The following FAM204A variants were observed in gnomAD, a reference collection of about 807,000 sequenced individuals.
The protein encoded by FAM204A is protein FAM204A.
Under a neutral mutation model 35.4 loss-of-function variants are expected in FAM204A, and 16 were observed. The ratio of observed to expected loss-of-function variants is 0.45; its 90% CI spans 0.31 to 0.69. The LOEUF (loss-of-function observed/expected upper bound fraction) is 0.69. Ranked by LOEUF, FAM204A falls within the 30% of genes least tolerant of loss-of-function variation. The pLI is 0.07. For synonymous variants in FAM204A, 76 were observed against 86.9 expected (o/e 0.88, Z 0.70); for missense variants, 240 against 265.7 (o/e 0.90, Z 0.67).
Position 118,310,851 on chromosome 10 carries a change from G to A in FAM204A, c.*6C>T, listed in dbSNP as rs1845941250. 6.3e-7 allele frequency: 1 copy of A among 1,598,060 alleles called. No individual in the cohort carries two copies. Among genetic ancestry groups the A allele is most frequent in the Non-Finnish European group, 8.5e-7 (1 of 1,175,156 alleles). On this transcript the variant is annotated 3_prime_UTR_variant, in exon 9 of 9. Coordinates refer to ENST00000369183, the MANE Select transcript of FAM204A (RefSeq NM_022063.3). ...GTCTACAAATGTCTTGAAGCACTCT[G>A]GCAAGTTACATGTATCCCATGTTGC... is the stretch of plus-strand genomic sequence containing the variant.
At position 118,302,145 on chromosome 10, in the gene FAM204A, C is replaced by G. The variant is rs1845814591; in HGVS notation, c.*8712G>C. On this transcript the variant is annotated 3_prime_UTR_variant, in exon 9 of 9. Transcript: ENST00000369183. ...TATGTCTTTCCCTCTAGGATATGAG[C>G]CCCATGAAGATCCAGCCGCTTTGTT... 6.6e-6 allele frequency: 1 copy of G among 152,262 alleles called. No homozygotes were observed. Among genetic ancestry groups the G allele is most frequent in the Non-Finnish European group, 1.5e-5 (1 of 68,078 alleles). The allele number at this position is 152,262 out of a possible 1,614,324, so 9.4% of individuals were successfully genotyped here.
Position 118,311,318 on chromosome 10 carries a change from G to T in FAM204A, c.544-5C>A. ...TTTGGCAATTTTTACACCAAGCTAA[G>T]AATTACAAAGGAGAAAAAAAAAGTG... On this transcript the variant is annotated splice_region_variant and splice_polypyrimidine_tract_variant and intron_variant, in intron 7 of 8. Coordinates refer to ENST00000369183, the MANE Select transcript of FAM204A (RefSeq NM_022063.3). The T allele has an allele frequency of 6.6e-7, 1 of 1,514,016 alleles. No homozygotes were observed. Among genetic ancestry groups the T allele is most frequent in the Non-Finnish European group, 8.8e-7 (1 of 1,137,464 alleles). The allele number at this position is 1,514,016 out of a possible 1,614,324, so 93.8% of individuals were successfully genotyped here. A position where few individuals can be genotyped will look rare whatever the true frequency, so the allele number is the denominator to read the frequency against.
In FAM204A at chr10:118,336,285, G is replaced by A. The variant is rs189055371; in HGVS notation, c.131C>T (p.Thr44Ile). The A allele has an allele frequency of 1.2e-6, 2 of 1,613,982 alleles. No homozygotes were observed. Among genetic ancestry groups the A allele is most frequent in the East Asian group, 2.2e-5 (1 of 44,880 alleles). ...ATCTGTTGAGAAATCTATGATTTCT[G>A]TTTTTCTGATGCTCTCATCCTCTTT... is the stretch of plus-strand genomic sequence containing the variant. ...EDKEDESIRK[T>I]EIIDFSTDEP... Residue 44 changes from threonine (T) to isoleucine (I), a missense_variant, in exon 3 of 9, where the codon ACA (threonine) becomes ATA (isoleucine). Thr to Ile is a moderately conservative substitution (Grantham distance 89). This residue lies in a region of FAM204A where 232 missense variants were observed against 242.8 expected (regional missense o/e 0.96). Coordinates refer to ENST00000369183, the MANE Select transcript of FAM204A (RefSeq NM_022063.3).
chr10:118,313,153 TAA>T (rs111988854), intron 7 of FAM204A, among the ~76,000 whole-genome samples: 1 of 144,792 alleles, frequency 6.9e-6, no homozygotes. Flanking sequence ...GTCATACATG[TAA>T]AAAAAAAAAA....
chr10:118,333,836 T>C (rs1846330098), intron 6 of FAM204A, among the ~76,000 whole-genome samples: 1 of 152,098 alleles, frequency 6.6e-6, no homozygotes, highest in Non-Finnish European at 1.5e-5. Flanking sequence ...GCACCCTCAA[T>C]AACACAGTAC....
Position 118,310,547 on chromosome 10 carries a change from T to C in FAM204A, c.*310A>G, listed in dbSNP as rs890938233. The C allele has an allele frequency of 7.1e-6, 2 of 281,282 alleles. No individual in the cohort carries two copies. The highest frequency in any genetic ancestry group is 4.5e-5 in the African/African-American group (2 of 44,136). The allele number at this position is 281,282 out of a possible 1,614,324, so 17.4% of individuals were successfully genotyped here. ...AGCTCACTGGCTGTGCTAAACCAAA[T>C]GAATGGAAAGCGCCAAAAGTGATTT... On this transcript the variant is annotated 3_prime_UTR_variant, in exon 9 of 9. Transcript: ENST00000369183.
intron 7 of FAM204A, among the ~76,000 whole-genome samples, chr10:118,318,577 T>C (rs1369517491): frequency 6.6e-6 from 1 of 151,988 alleles, no homozygotes; most frequent in East Asian, 1.9e-4. Context: ...GTTCCAGTGG[T>C]AAATTGTTAG....
intron 7 of FAM204A, among the ~76,000 whole-genome samples, chr10:118,314,050 C>T (rs143894522): frequency 4.6e-5 from 7 of 152,204 alleles, no homozygotes; most frequent in Admixed American, 4.6e-4. Flanking sequence ...TCCAGCACAA[C>T]TAGCATCACA....
Position 118,336,398 on chromosome 10 carries a change from T to C in FAM204A, c.18A>G (p.Leu6=). ...CGTCACTTTCATTTAGGCCAGGAGGTAGCAGCCCACTCCACATCTTTTCTT... is the reference window on the plus strand; with the variant it reads ...CGTCACTTTCATTTAGGCCAGGAGGCAGCAGCCCACTCCACATCTTTTCTT... MWSGL[L]PPGLNESDAE... Residue 6 remains leucine, a synonymous_variant, in exon 3 of 9, where the codon CTA becomes CTG. Coordinates refer to ENST00000369183, the MANE Select transcript of FAM204A (RefSeq NM_022063.3). 6.2e-7 allele frequency: 1 copy of C among 1,613,202 alleles called. No individual in the cohort carries two copies. The highest frequency in any genetic ancestry group is 8.5e-7 in the Non-Finnish European group (1 of 1,179,510).
intron 2 of FAM204A, among the ~76,000 whole-genome samples, chr10:118,339,614 T>C (rs796409154): frequency 3.3e-5 from 5 of 152,368 alleles, no homozygotes; most frequent in African/African-American, 1.2e-4. Flanking sequence ...ACAGCCAATG[T>C]ATTAATTCAT....
chr10:118,317,999 C>A (rs1000645067), intron 7 of FAM204A, among the ~76,000 whole-genome samples: 1 of 152,004 alleles, frequency 6.6e-6, no homozygotes, highest in Non-Finnish European at 1.5e-5. Context: ...TGAATTAGCT[C>A]CTGATCAACA....
intron 7 of FAM204A, among the ~76,000 whole-genome samples, chr10:118,317,895 T>C (rs1331753670): frequency 6.6e-6 from 1 of 151,974 alleles, no homozygotes; most frequent in Admixed American, 6.6e-5. Flanking sequence ...CACTGAAAGA[T>C]GACCAAAGTT....
chr10:118,336,531 C>T, intron 2 of FAM204A, 108 bp from the exon 3 acceptor site: 1 of 1,020,300 alleles, frequency 9.8e-7, no homozygotes, highest in South Asian at 2.3e-5. Context: ...GGTTTGGGAA[C>T]AGTCCATCTA....
At chr10:118,311,413 C>A in intron 7 of FAM204A, 100 bp from the exon 8 acceptor site, 1 of 910,892 alleles carries the variant, frequency 1.1e-6, no homozygotes, top group Non-Finnish European at 1.7e-6. Flanking sequence ...GGTAAGAAAG[C>A]CATGTCTAGA....
chr10:118,328,245 C>T (rs745354009), intron 6 of FAM204A, among the ~76,000 whole-genome samples: 1 of 152,190 alleles, frequency 6.6e-6, no homozygotes, highest in Non-Finnish European at 1.5e-5. Flanking sequence ...TTTGCCTTTA[C>T]TGGAACCTCA....
chr10:118,316,592 A>G (rs1170005108), intron 7 of FAM204A, among the ~76,000 whole-genome samples: 2 of 152,184 alleles, frequency 1.3e-5, no homozygotes, highest in African/African-American at 4.8e-5. Flanking sequence ...ATATATATGT[A>G]CGATCGTTTA....
intron 7 of FAM204A, among the ~76,000 whole-genome samples, chr10:118,313,934 A>G (rs1013119369): frequency 1.3e-5 from 2 of 152,114 alleles, no homozygotes; most frequent in African/African-American, 2.4e-5. Context: ...GCAGCTCCCT[A>G]TGTCTGGGCA....
chr10:118,339,789 C>T (rs1282962241), intron 2 of FAM204A, among the ~76,000 whole-genome samples: 1 of 90,038 alleles, frequency 1.1e-5, no homozygotes, highest in East Asian at 3.2e-4. Context: ...TTTATTCCAT[C>T]CCACAATTAT....
chr10:118,335,278 T>C (rs574629078), intron 5 of FAM204A, 65 bp from the exon 6 acceptor site: 2 of 1,556,682 alleles, frequency 1.3e-6, no homozygotes, highest in African/African-American at 2.8e-5. Flanking sequence ...CTGTTTTTAA[T>C]CGGTTACTAC....
Sources: gnomAD v4.1 joint callset for allele counts (sites outside exome capture counted in the v4.1 genomes callset) on GRCh38, gnomAD v4.1.1 for gene constraint, gnomAD v4.1.1 regional missense constraint, MANE v1.5 for transcripts, NCBI Gene and HGNC (gene_info 2026-07-23, HGNC 2026-07-21) for gene names.